The following ZFAND3 variants were observed in gnomAD, a reference collection of about 807,000 sequenced individuals.
The protein encoded by ZFAND3 is AN1-type zinc finger protein 3.
ZFAND3 carries 10 observed loss-of-function variants against 29.6 expected under a neutral mutation model. The observed-to-expected ratio is 0.34, with a 90% CI of 0.21 to 0.57. The LOEUF is 0.57. Ranked by LOEUF, ZFAND3 falls within the 20% of genes least tolerant of loss-of-function variation. The probability of loss-of-function intolerance (pLI) is 0.86; values close to 1 mark genes in which losing one functional copy is unlikely to be tolerated. For synonymous variants in ZFAND3, 128 were observed against 112.6 expected, an observed-to-expected ratio of 1.14 and a Z score of -0.87; for missense variants, 230 against 304.5, an observed-to-expected ratio of 0.76 and a Z score of 1.82.
chr6:38,036,853 A>G (rs1561974893), intron 2 of ZFAND3, among the ~76,000 whole-genome samples: 2 of 152,212 alleles, frequency 1.3e-5, no homozygotes, highest in East Asian at 1.9e-4. Context: ...GTCTGAAGCA[A>G]TCCTCCTGCC....
chr6:37,844,527 C>T (rs1381202152), intron 1 of ZFAND3, among the ~76,000 whole-genome samples: 3 of 151,896 alleles, frequency 2.0e-5, no homozygotes, highest in East Asian at 2.0e-4. Context: ...ATGATCTGCC[C>T]GCCTTGGCCT....
In ZFAND3 at chr6:37,928,191, A is replaced by C. The variant is rs192423911; in HGVS notation, c.72-1768A>C. Among the ~76,000 whole-genome samples, 10 of 152,304 alleles carry C rather than the reference A, an allele frequency of 6.6e-5. No individual in the cohort carries two copies. The East Asian group carries it at 1.9e-3, about 29-fold the overall frequency. Reference sequence around the variant, plus strand: ...GACCCCCTTTCCCCCATCTTGTGACAATTGCTGTTAGGTCTTTGGTTCCAG... The same window carrying C: ...GACCCCCTTTCCCCCATCTTGTGACCATTGCTGTTAGGTCTTTGGTTCCAG... On this transcript the variant is annotated intron_variant, in intron 1 of 5. Coordinates refer to ENST00000287218, the MANE Select transcript of ZFAND3 (RefSeq NM_021943.3).
Position 38,153,280 on chromosome 6 carries a change from C to G in ZFAND3, c.*891C>G, listed in dbSNP as rs147074947. ...CTATATTGGGAGTTTTTTAAAAAGA[C>G]ATTTCATAGCCAACAAGAATCAGTA... On this transcript the variant is annotated 3_prime_UTR_variant, in exon 6 of 6. Coordinates refer to ENST00000287218, the MANE Select transcript of ZFAND3 (RefSeq NM_021943.3). The G allele has an allele frequency of 2.7e-5, 27 of 985,506 alleles. No homozygotes were observed. The East Asian group carries it at 2.7e-3, about 99-fold the overall frequency. 61.0% of individuals were successfully genotyped at this position (985,506 alleles called of 1,614,324 possible). A position where few individuals can be genotyped will look rare whatever the true frequency, so the allele number is the denominator to read the frequency against.
chr6:38,144,179 TATATA>T (rs1334055278), intron 5 of ZFAND3, among the ~76,000 whole-genome samples: 349 of 16,812 alleles, frequency 0.021, 11 homozygotes, highest in African/African-American at 0.13. Context: ...GTGATATATA[TATATA>T]ATATATATAT....
intron 2 of ZFAND3, among the ~76,000 whole-genome samples, chr6:37,964,860 C>G (rs1208905515): frequency 2.0e-5 from 3 of 152,108 alleles, no homozygotes; most frequent in East Asian, 3.8e-4. Context: ...CCTCTCTGAG[C>G]CGTAGTTTTC....
intron 1 of ZFAND3, among the ~76,000 whole-genome samples, chr6:37,844,075 GCTTTTTTT>G (rs979419346): frequency 2.6e-5 from 4 of 151,778 alleles, no homozygotes; most frequent in Middle Eastern, 3.2e-3. Context: ...ACCACGCCTG[GCTTTTTTT>G]CTTTTTTTCT....
At chr6:37,865,477 C>T (rs927911004) in intron 1 of ZFAND3, among the ~76,000 whole-genome samples, 5 of 152,200 alleles carry the variant, frequency 3.3e-5, no homozygotes, top group East Asian at 3.8e-4. Context: ...CAGATACACA[C>T]GCACACACTT....
intron 5 of ZFAND3, among the ~76,000 whole-genome samples, chr6:38,148,732 G>A (rs1367848046): frequency 6.6e-6 from 1 of 152,030 alleles, no homozygotes; most frequent in African/African-American, 2.4e-5. Flanking sequence ...TCATTCCCAT[G>A]CACCTCTACC....
At chr6:37,918,221 C>T (rs1416805062) in intron 1 of ZFAND3, among the ~76,000 whole-genome samples, 1 of 152,010 alleles carries the variant, frequency 6.6e-6, no homozygotes, top group Admixed American at 6.6e-5. Context: ...GGACTACAGG[C>T]ACCCACCACC....
chr6:38,154,622 A>G lies in ZFAND3; in HGVS notation c.*2233A>G, dbSNP rs1032177499. The G allele has an allele frequency of 2.1e-6, 2 of 946,150 alleles. No homozygotes were observed. The highest frequency in any genetic ancestry group is 1.2e-4 in the Admixed American group (2 of 16,188). The allele number at this position is 946,150 out of a possible 1,614,324, so 58.6% of individuals were successfully genotyped here. A position where few individuals can be genotyped will look rare whatever the true frequency, so the allele number is the denominator to read the frequency against. On this transcript the variant is annotated 3_prime_UTR_variant, in exon 6 of 6. Coordinates refer to ENST00000287218, the MANE Select transcript of ZFAND3 (RefSeq NM_021943.3). ...AAAAAAAAATTAAACCAATCGTATG[A>G]AAGTTTGGTTTTCTTGTTTCACCCC... is the stretch of plus-strand genomic sequence containing the variant.
intron 1 of ZFAND3, among the ~76,000 whole-genome samples, chr6:37,892,644 A>G (rs1185371367): frequency 6.6e-6 from 1 of 152,210 alleles, no homozygotes; most frequent in East Asian, 1.9e-4. Flanking sequence ...ATAGAAAAAT[A>G]ACAGTAAATC....
chr6:37,981,740 G>A (rs372131929), intron 2 of ZFAND3, among the ~76,000 whole-genome samples: 8 of 152,098 alleles, frequency 5.3e-5, no homozygotes, highest in South Asian at 2.1e-4. Flanking sequence ...TGTGTAAACC[G>A]AAGAGTGTCT....
rs1377399572 is a variant in ZFAND3, at chr6:38,103,468, TGTATATATATACACACATATATACAC to T, written c.362-13101_362-13076del. On this transcript the variant is annotated intron_variant, in intron 4 of 5. Transcript: ENST00000287218. The stretch of plus-strand genomic sequence containing the variant: ...ATATATATACACACATATATACACG[TGTATATATATACACACATATATACAC>T]GTGTATATATATACACGTGTATATA... 0.017 allele frequency among the ~76,000 whole-genome samples: 2,271 copies of T among 133,756 alleles called. 186 individuals are homozygous for T. In the East Asian group the frequency reaches 0.26, roughly 15 times the overall value. The allele number at this position is 133,756 out of a possible 152,430, so 87.7% of individuals were successfully genotyped here. A position where few individuals can be genotyped will look rare whatever the true frequency, so the allele number is the denominator to read the frequency against.
At chr6:38,117,208 T>C (rs547402266) in intron 5 of ZFAND3, among the ~76,000 whole-genome samples, 5 of 152,028 alleles carry the variant, frequency 3.3e-5, no homozygotes, top group South Asian at 4.1e-4. Flanking sequence ...GATTAGAAAA[T>C]TACCTTTGAA....
intron 3 of ZFAND3, among the ~76,000 whole-genome samples, chr6:38,069,444 C>T (rs1764409755): frequency 6.6e-6 from 1 of 152,140 alleles, no homozygotes; most frequent in Non-Finnish European, 1.5e-5. Context: ...ATATAATAGT[C>T]TCAAAGTGGA....
chr6:38,104,971 G>A (rs1425982689), intron 4 of ZFAND3, among the ~76,000 whole-genome samples: 1 of 152,168 alleles, frequency 6.6e-6, no homozygotes, highest in Non-Finnish European at 1.5e-5. Context: ...TAAGAGCAAG[G>A]ACTCTAGGCC....
intron 2 of ZFAND3, among the ~76,000 whole-genome samples, chr6:38,020,297 A>C (rs1763325143): frequency 6.6e-6 from 1 of 152,238 alleles, no homozygotes; most frequent in Non-Finnish European, 1.5e-5. Context: ...TCCAACACAC[A>C]TTAGTTTTCT....
At chr6:37,951,828 G>T (rs891413258) in intron 2 of ZFAND3, among the ~76,000 whole-genome samples, 1 of 152,114 alleles carries the variant, frequency 6.6e-6, no homozygotes, top group African/African-American at 2.4e-5. Flanking sequence ...TTTGCTGTGG[G>T]TTTGTCATAG....
intron 1 of ZFAND3, among the ~76,000 whole-genome samples, chr6:37,921,089 G>A (rs1426709759): frequency 6.6e-6 from 1 of 152,002 alleles, no homozygotes; most frequent in East Asian, 1.9e-4. Flanking sequence ...CCCACTCCTC[G>A]CCGCCTTCTC....
Sources: gnomAD v4.1 joint callset for allele counts (sites outside exome capture counted in the v4.1 genomes callset) on GRCh38, gnomAD v4.1.1 for gene constraint, MANE v1.5 for transcripts, NCBI Gene and HGNC (gene_info 2026-07-23, HGNC 2026-07-21) for gene names.